ZFYVE9: variants seen among roughly 807,000 people sequenced by gnomAD.
The protein encoded by ZFYVE9 is zinc finger FYVE-type containing 9.
A neutral mutation model predicts 126.7 loss-of-function variants in ZFYVE9; 43 were observed. The observed-to-expected ratio is 0.34, with a 90% CI of 0.27 to 0.44. The LOEUF (loss-of-function observed/expected upper bound fraction) is 0.44, where lower values mean the gene tolerates loss of function less well. Among genes scored for constraint, ZFYVE9 ranks in the 20% least tolerant of loss-of-function variants. The probability of loss-of-function intolerance (pLI) is 1.00; values close to 1 mark genes in which losing one functional copy is unlikely to be tolerated. For synonymous variants in ZFYVE9, 521 were observed against 597.4 expected (o/e 0.87, Z 1.87); for missense variants, 1,476 against 1,697.0 (o/e 0.87, Z 2.29).
At chr1:52,247,553 G>C (rs1304848539) in intron 4 of ZFYVE9, among the ~76,000 whole-genome samples, 2 of 152,114 alleles carry the variant, frequency 1.3e-5, no homozygotes, top group Non-Finnish European at 2.9e-5. Flanking sequence ...CTGGAGTGCA[G>C]TGGCGCAATC....
chr1:52,180,778 C>T (rs879617572), intron 1 of ZFYVE9, among the ~76,000 whole-genome samples: 1 of 151,722 alleles, frequency 6.6e-6, no homozygotes, highest in Non-Finnish European at 1.5e-5. Context: ...GAGTTCGATA[C>T]CAGCCTTACC....
chr1:52,237,522 G>A lies in ZFYVE9; in HGVS notation c.105G>A (p.Lys35=), dbSNP rs571271123. ...ETVSSTLLDT[K]WNKILDPPSH... ...TTTCTTCTACTTTATTGGATACAAA[G>A]TGGAATAAGATTCTAGATCCCCCTT... Residue 35 remains lysine, a synonymous_variant, in exon 4 of 19, where the codon AAG becomes AAA. Coordinates refer to ENST00000287727, the MANE Select transcript of ZFYVE9 (RefSeq NM_004799.4). 3.0e-5 allele frequency: 48 copies of A among 1,613,022 alleles called. No individual in the cohort carries two copies. The African/African-American group carries it at 5.9e-4, about 20-fold the overall frequency.
intron 13 of ZFYVE9, among the ~76,000 whole-genome samples, chr1:52,320,332 T>G (rs958221981): frequency 6.6e-6 from 1 of 151,998 alleles, no homozygotes. Context: ...GGCCTCCCAA[T>G]GTGCTGGGAT....
chr1:52,237,392 T>A (rs1018750141), intron 3 of ZFYVE9, 96 bp from the exon 4 acceptor site: 1 of 1,133,706 alleles, frequency 8.8e-7, no homozygotes, highest in African/African-American at 1.6e-5. Context: ...CTTGGAATAT[T>A]TAATTTTCAA....
At chr1:52,302,229 TAC>T (rs1394061761) in intron 12 of ZFYVE9, among the ~76,000 whole-genome samples, 1 of 152,250 alleles carries the variant, frequency 6.6e-6, no homozygotes, top group Non-Finnish European at 1.5e-5. Flanking sequence ...ATTCTGATTT[TAC>T]CAGTTGGGTG....
Position 52,325,356 on chromosome 1 carries a change from T to TA in ZFYVE9, c.3439-7406dup, listed in dbSNP as rs200455108. ...AAAATTAAATAAATAAATAAATACA[T>TA]AAAAAATAAAAGAATTAGCCAGGTG... On this transcript the variant is annotated intron_variant, in intron 13 of 18. Transcript: ENST00000287727. Among the ~76,000 whole-genome samples, 604 of 151,682 alleles carry TA rather than the reference T, an allele frequency of 4.0e-3. 13 individuals carry two copies. In the South Asian group the frequency reaches 0.044, roughly 11 times the overall value.
intron 1 of ZFYVE9, among the ~76,000 whole-genome samples, chr1:52,185,449 G>A (rs1644756281): frequency 6.6e-6 from 1 of 152,162 alleles, no homozygotes; most frequent in African/African-American, 2.4e-5. Context: ...CCTGGGAAAT[G>A]TTATTGAGGA....
intron 6 of ZFYVE9, among the ~76,000 whole-genome samples, chr1:52,267,250 A>G (rs1645643312): frequency 6.6e-6 from 1 of 152,182 alleles, no homozygotes; most frequent in African/African-American, 2.4e-5. Context: ...TTTTTGGAGT[A>G]TACATTGCCA....
At chr1:52,318,438 A>G (rs1030408437) in intron 13 of ZFYVE9, among the ~76,000 whole-genome samples, 1 of 150,224 alleles carries the variant, frequency 6.7e-6, no homozygotes, top group Non-Finnish European at 1.5e-5. Context: ...TAAGAAGAGA[A>G]CTTTCACAAG....
intron 4 of ZFYVE9, among the ~76,000 whole-genome samples, chr1:52,255,964 T>TTTTCTTTTC (rs1553129446): frequency 8.3e-3 from 570 of 68,310 alleles, no homozygotes; most frequent in Middle Eastern, 0.012. Flanking sequence ...TTTTCTTTTC[T>TTTTCTTTTC]TTTCTTTCTT....
chr1:52,206,597 G>A (rs1644980236), intron 1 of ZFYVE9, among the ~76,000 whole-genome samples: 1 of 152,146 alleles, frequency 6.6e-6, no homozygotes, highest in Non-Finnish European at 1.5e-5. Context: ...CCAGGCTGGA[G>A]TGCAGTGGCA....
chr1:52,284,670 C>T (rs1421314886), intron 10 of ZFYVE9, among the ~76,000 whole-genome samples: 12 of 152,126 alleles, frequency 7.9e-5, no homozygotes, highest in Admixed American at 1.3e-4. Flanking sequence ...CCGCCCGCCT[C>T]GGCCTCCGAA....
chr1:52,324,814 A>G (rs1049817204), intron 13 of ZFYVE9, among the ~76,000 whole-genome samples: 2 of 152,212 alleles, frequency 1.3e-5, no homozygotes, highest in African/African-American at 2.4e-5. Context: ...ATCACTTGAT[A>G]ATGTTTGTAG....
At chr1:52,303,781 G>T in intron 12 of ZFYVE9, 40 bp from the exon 13 acceptor site, 1 of 1,306,158 alleles carries the variant, frequency 7.7e-7, no homozygotes, top group Non-Finnish European at 1.0e-6. Context: ...CCCTACCATT[G>T]ATGAATTAAT....
At chr1:52,185,877 G>A (rs917409390) in intron 1 of ZFYVE9, among the ~76,000 whole-genome samples, 40 of 146,934 alleles carry the variant, frequency 2.7e-4, no homozygotes, top group South Asian at 1.7e-3. Flanking sequence ...CCGAGATTGC[G>A]CCACTGCACT....
intron 2 of ZFYVE9, among the ~76,000 whole-genome samples, chr1:52,225,732 C>T (rs1645165136): frequency 6.6e-6 from 1 of 152,074 alleles, no homozygotes; most frequent in Non-Finnish European, 1.5e-5. Context: ...TGAAGAGGAA[C>T]TAAATTGTCC....
chr1:52,250,854 G>A (rs1019021809), intron 4 of ZFYVE9, among the ~76,000 whole-genome samples: 1 of 151,664 alleles, frequency 6.6e-6, no homozygotes, highest in Non-Finnish European at 1.5e-5. Flanking sequence ...GGACTAACAG[G>A]CGTGCACTAC....
intron 17 of ZFYVE9, among the ~76,000 whole-genome samples, chr1:52,342,841 G>T (rs2147878885): frequency 6.6e-6 from 1 of 150,988 alleles, no homozygotes; most frequent in Admixed American, 6.6e-5. Context: ...CTTATATTTT[G>T]CCTTTATATA....
intron 4 of ZFYVE9, among the ~76,000 whole-genome samples, chr1:52,254,926 C>T (rs1057391392): frequency 1.3e-5 from 2 of 151,690 alleles, no homozygotes; most frequent in African/African-American, 4.8e-5. Flanking sequence ...CATAATATCT[C>T]TGCTAAAAAT....
Sources: allele counts gnomAD v4.1 joint callset (sites outside exome capture counted in the v4.1 genomes callset), GRCh38; gene constraint gnomAD v4.1.1; transcripts MANE v1.5; gene names NCBI Gene and HGNC (gene_info 2026-07-23, HGNC 2026-07-21).